Variants in SBNO2 observed in about 807,000 individuals in gnomAD.
SBNO2 encodes the protein protein strawberry notch homolog 2.
In SBNO2, 89 loss-of-function variants were observed where a neutral mutation model predicts 146.3. That is an observed-to-expected ratio of 0.61 (90% CI 0.51 to 0.73). The LOEUF is 0.73. Ranked by LOEUF, SBNO2 falls within the 30% of genes least tolerant of loss-of-function variation. The pLI, the probability that SBNO2 is intolerant of heterozygous loss-of-function variation, is 0.00. For synonymous variants in SBNO2, 1,147 were observed against 892.6 expected (o/e 1.29, Z -5.08); for missense variants, 2,092 against 2,003.7 (o/e 1.04, Z -0.84).
At chr19:1,133,382 G>C (rs576241358) in intron 4 of SBNO2, among the ~76,000 whole-genome samples, 7 of 152,150 alleles carry the variant, frequency 4.6e-5, no homozygotes, top group African/African-American at 1.7e-4. Context: ...TTCTGGGCTT[G>C]TAAGACTCCC....
At chr19:1,119,198 A>G in intron 13 of SBNO2, 34 bp from the exon 14 acceptor site, 1 of 1,569,290 alleles carries the variant, frequency 6.4e-7, no homozygotes, top group East Asian at 2.3e-5. Flanking sequence ...GAGCACGGCC[A>G]GAGCCCGTGG....
chr19:1,122,817 GC>G, intron 8 of SBNO2, 26 bp from the exon 9 acceptor site: 1 of 1,537,784 alleles, frequency 6.5e-7, no homozygotes. Flanking sequence ...AGGCGTCAGG[GC>G]CTGGGGGTGC....
rs2079794739 is a variant in SBNO2 at position 1,113,592 on chromosome 19, T to C, written c.2190A>G (p.Pro730=). The part of the protein sequence containing the change: ...DKVRRLGREL[P]VNTLDELIDQ... ...CGATGAGCTCGTCCAGGGTGTTGAC[T>C]GGCAGTTCCCGGCCCAGCCGCCGCA... The change falls in exon 19 of 32, where the codon CCA becomes CCG. Residue 730 remains proline, a synonymous_variant. Coordinates refer to ENST00000361757, the MANE Select transcript of SBNO2 (RefSeq NM_014963.3). 1 of 1,599,498 alleles carries C rather than the reference T, an allele frequency of 6.3e-7. No homozygotes were observed. Among genetic ancestry groups the C allele is most frequent in the Non-Finnish European group, 8.5e-7 (1 of 1,175,028 alleles).
Position 1,109,437 on chromosome 19 carries a change from C to T in SBNO2, c.3217-14G>A. The T allele has an allele frequency of 6.4e-7, 1 of 1,562,916 alleles. No homozygotes were observed. The highest frequency in any genetic ancestry group is 8.7e-7 in the Non-Finnish European group (1 of 1,154,864). On this transcript the variant is annotated splice_polypyrimidine_tract_variant and intron_variant, in intron 28 of 31. Coordinates refer to ENST00000361757, the MANE Select transcript of SBNO2 (RefSeq NM_014963.3). This position sits in a 1 kb window ranked among gnomAD's most constrained non-coding sequence, Gnocchi z 4.2. ...GTTACCGCGGACCTGCGGAGGGGGG[C>T]GTTGAGGCCGCGCCCCGGTCCGCCC...
chr19:1,126,714 G>A lies in SBNO2; in HGVS notation c.441+890C>T, dbSNP rs1459297846. Among the ~76,000 whole-genome samples, 5 of 152,210 alleles carry A rather than the reference G, an allele frequency of 3.3e-5. No homozygotes were observed. The highest frequency in any genetic ancestry group is 7.2e-5 in the African/African-American group (3 of 41,464). On this transcript the variant is annotated intron_variant, in intron 5 of 31. Coordinates refer to ENST00000361757, the MANE Select transcript of SBNO2 (RefSeq NM_014963.3). This position sits in a 1 kb window ranked among gnomAD's most constrained non-coding sequence, Gnocchi z 4.4. ...GTGAGCCCACCACTGTGCCGGGAGC[G>A]TGCGGAGGCTGGCATGGGCCCTCAC...
intron 17 of SBNO2, chr19:1,115,634 A>G (rs1437151254): frequency 3.4e-6 from 1 of 296,326 alleles, no homozygotes; most frequent in Non-Finnish European, 6.4e-6. Context: ...CACACACCAG[A>G]CTTCGACAGG....
chr19:1,108,506 G>A lies in SBNO2; in HGVS notation c.3815C>T (p.Pro1272Leu), dbSNP rs1048977910. The A allele has an allele frequency of 1.5e-5, 18 of 1,219,272 alleles. No homozygotes were observed. The highest frequency in any genetic ancestry group is 9.7e-5 in the African/African-American group (6 of 61,632). The allele number at this position is 1,219,272 out of a possible 1,614,324, so 75.5% of individuals were successfully genotyped here. A position where few individuals can be genotyped will look rare whatever the true frequency, so the allele number is the denominator to read the frequency against. The change falls in exon 32 of 32, where the codon CCG (proline) becomes CTG (leucine). Residue 1272 changes from proline to leucine, a missense_variant. Physicochemically the swap from Pro to Leu is moderately conservative, Grantham distance 98. Coordinates refer to ENST00000361757, the MANE Select transcript of SBNO2 (RefSeq NM_014963.3). ...CAGCGGCGCCGGGAAAGAGAAGTGCGGGGGCGGCGGGAAGGCCTCGGCCGG... is the reference window on the plus strand; with the variant it reads ...CAGCGGCGCCGGGAAAGAGAAGTGCAGGGGCGGCGGGAAGGCCTCGGCCGG... ...SPPAEAFPPPPHFSFPAPLSL... is the reference protein window; with the variant it reads ...SPPAEAFPPPLHFSFPAPLSL...
intron 12 of SBNO2, 36 bp from the exon 13 acceptor site, chr19:1,119,657 G>A: frequency 6.4e-7 from 1 of 1,552,488 alleles, no homozygotes; most frequent in South Asian, 1.2e-5. Context: ...CCCCAACCCG[G>A]GAGGGCCCAG....
In SBNO2 at chr19:1,108,438, C is replaced by A; in HGVS notation, c.3883G>T (p.Asp1295Tyr). ...GPGVVPLGTP[D>Y]AQADPAALAH... ...AGGGCCGCAGGGTCGGCCTGGGCGT[C>A]GGGGGTGCCCAGCGGCACGACGCCG... The change falls in exon 32 of 32, where the codon GAC (aspartate) becomes TAC (tyrosine). Residue 1295 changes from aspartate (D) to tyrosine (Y), a missense_variant. Transcript: ENST00000361757. 1 of 1,247,298 alleles carries A rather than the reference C, an allele frequency of 8.0e-7. No homozygotes were observed. The highest frequency in any genetic ancestry group is 1.0e-6 in the Non-Finnish European group (1 of 990,514). 77.3% of individuals were successfully genotyped at this position (1,247,298 alleles called of 1,614,324 possible).
At position 1,109,446 on chromosome 19, in the gene SBNO2, C is replaced by A; in HGVS notation, c.3217-23G>T. 2 of 1,562,738 alleles carry A rather than the reference C, an allele frequency of 1.3e-6. No individual in the cohort carries two copies. Among genetic ancestry groups the A allele is most frequent in the East Asian group, 2.4e-5 (1 of 41,784 alleles). On this transcript the variant is annotated intron_variant, in intron 28 of 31. Transcript: ENST00000361757. The surrounding 1 kb of genome is among the most constrained non-coding windows in gnomAD (Gnocchi z 4.2). ...GACCTGCGGAGGGGGGCGTTGAGGC[C>A]GCGCCCCGGTCCGCCCCCCGCGGGC...
At chr19:1,147,237 G>A (rs891762506) in intron 4 of SBNO2, 72 bp downstream of exon 4, 20 of 1,036,854 alleles carry the variant, frequency 1.9e-5, no homozygotes, top group Admixed American at 4.6e-5. Context: ...GAGAGAGGTC[G>A]CAGGGCAGCT....
rs907563050 is a variant in SBNO2 at position 1,150,921 on chromosome 19, A to C, written c.94-1479T>G. Among the ~76,000 whole-genome samples, 2 of 152,068 alleles carry C rather than the reference A, an allele frequency of 1.3e-5. No homozygotes were observed. Among genetic ancestry groups the C allele is most frequent in the Non-Finnish European group, 1.5e-5 (1 of 68,010 alleles). On this transcript the variant is annotated intron_variant, in intron 2 of 31. Coordinates refer to ENST00000361757, the MANE Select transcript of SBNO2 (RefSeq NM_014963.3). The surrounding 1 kb of genome is among the most constrained non-coding windows in gnomAD (Gnocchi z 6.2). ...GCCCCGCTCCTCCAGCTTTTGCATA[A>C]AATAAGTTTATCAGCAAAAGCCCAC...
intron 1 of SBNO2, among the ~76,000 whole-genome samples, chr19:1,154,830 C>A (rs758072229): frequency 2.0e-5 from 3 of 152,186 alleles, no homozygotes; most frequent in Non-Finnish European, 4.4e-5. Flanking sequence ...GGACACTGGA[C>A]CCAGCCCTGT....
rs1249361124 is a variant in SBNO2, at chr19:1,157,890, C to G, written c.-126-3488G>C. Among the ~76,000 whole-genome samples the G allele has an allele frequency of 6.9e-6, 1 of 144,872 alleles. No individual in the cohort carries two copies. On this transcript the variant is annotated intron_variant, in intron 1 of 31. Coordinates refer to ENST00000361757, the MANE Select transcript of SBNO2 (RefSeq NM_014963.3). This position sits in a 1 kb window ranked among gnomAD's most constrained non-coding sequence, Gnocchi z 6.8. ...GGGTAACTGCATCTGCCTCCCAGCT[C>G]TCTCTCCTGAGTCCGGATAACTGTC...
intron 1 of SBNO2, among the ~76,000 whole-genome samples, chr19:1,172,517 C>A (rs866403523): frequency 6.6e-6 from 1 of 152,170 alleles, no homozygotes; most frequent in Non-Finnish European, 1.5e-5. Context: ...CCCATGTCCC[C>A]GCTGCTCCTC....
rs939241367 is a variant in SBNO2, at chr19:1,158,504, C to CCAGGG, written c.-126-4107_-126-4103dup. Reference sequence around the variant, plus strand: ...GCCATAACCGAGACCACGGGAGGACCCAGGGCGCACGGCACACCCCAGAGC... The same window carrying CCAGGG: ...GCCATAACCGAGACCACGGGAGGACCCAGGGCAGGGCGCACGGCACACCCCAGAGC... On this transcript the variant is annotated intron_variant, in intron 1 of 31. Transcript: ENST00000361757. The surrounding 1 kb of genome is among the most constrained non-coding windows in gnomAD (Gnocchi z 9.9). 1.6e-4 allele frequency among the ~76,000 whole-genome samples: 24 copies of CCAGGG among 152,022 alleles called. No individual in the cohort carries two copies. Among genetic ancestry groups the CCAGGG allele is most frequent in the Non-Finnish European group, 3.4e-4 (23 of 67,982 alleles).
intron 4 of SBNO2, among the ~76,000 whole-genome samples, chr19:1,131,059 TC>T (rs1226901447): frequency 6.6e-6 from 1 of 152,106 alleles, no homozygotes; most frequent in African/African-American, 2.4e-5. Context: ...CCACAGTGGC[TC>T]CGTCCTCTGC....
chr19:1,157,093 T>C lies in SBNO2; in HGVS notation c.-126-2691A>G, dbSNP rs1406707830. Among the ~76,000 whole-genome samples, 1 of 145,950 alleles carries C rather than the reference T, an allele frequency of 6.9e-6. No homozygotes were observed. Among genetic ancestry groups the C allele is most frequent in the Non-Finnish European group, 1.5e-5 (1 of 66,510 alleles). ...AGGCCCTCCCGCAGCCCCCAGCCCCTAGCCCTGCCTGCAGACTCGGTCCTG... is the reference window on the plus strand; with the variant it reads ...AGGCCCTCCCGCAGCCCCCAGCCCCCAGCCCTGCCTGCAGACTCGGTCCTG... On this transcript the variant is annotated intron_variant, in intron 1 of 31. Transcript: ENST00000361757. This position sits in a 1 kb window ranked among gnomAD's most constrained non-coding sequence, Gnocchi z 6.8.
At chr19:1,161,880 G>A (rs1355046704) in intron 1 of SBNO2, among the ~76,000 whole-genome samples, 5 of 129,876 alleles carry the variant, frequency 3.8e-5, no homozygotes, top group African/African-American at 5.6e-5. Flanking sequence ...GGTGAAAGCC[G>A]ATCCACTCCC....
Sources: allele counts gnomAD v4.1 joint callset (sites outside exome capture counted in the v4.1 genomes callset), GRCh38; gene constraint gnomAD v4.1.1; non-coding constraint Gnocchi (gnomAD v3.1); transcripts MANE v1.5; gene names NCBI Gene and HGNC (gene_info 2026-07-23, HGNC 2026-07-21).